The following EFR3A variants were observed in gnomAD, a reference collection of about 807,000 sequenced individuals.
EFR3A encodes the protein EFR3 homolog A, also known as protein EFR3 homolog A.
EFR3A carries 76 observed loss-of-function variants against 104.4 expected under a neutral mutation model. The observed-to-expected ratio is 0.73, with a 90% CI of 0.60 to 0.88. The LOEUF (loss-of-function observed/expected upper bound fraction) is 0.88, where lower values mean the gene tolerates loss of function less well. Ranked by LOEUF, EFR3A falls within the 40% of genes least tolerant of loss-of-function variation. EFR3A has a pLI of 0.00. For missense variants in EFR3A, 985 were observed against 1,012.5 expected (o/e 0.97, Z 0.37); for synonymous variants, 330 against 330.0 (o/e 1.00, Z 0.00).
At chr8:132,009,977 G>C (rs1822248240) in intron 22 of EFR3A, among the ~76,000 whole-genome samples, 1 of 151,936 alleles carries the variant, frequency 6.6e-6, no homozygotes, top group South Asian at 2.1e-4. Context: ...ATCTGAGTAG[G>C]ATTAGAGGCA....
chr8:131,929,572 A>T (rs1392883380), intron 1 of EFR3A, among the ~76,000 whole-genome samples: 1 of 152,120 alleles, frequency 6.6e-6, no homozygotes, highest in Non-Finnish European at 1.5e-5. Context: ...TTCTTTCTGT[A>T]TGTGATTATC....
intron 8 of EFR3A, among the ~76,000 whole-genome samples, chr8:131,964,848 G>C (rs1563670832): frequency 2.0e-5 from 3 of 152,208 alleles, no homozygotes; most frequent in South Asian, 4.1e-4. Context: ...AAACAGCATG[G>C]TACTGGTACC....
At chr8:131,936,589 G>T (rs762789892) in intron 1 of EFR3A, among the ~76,000 whole-genome samples, 16 of 151,940 alleles carry the variant, frequency 1.1e-4, no homozygotes, top group Non-Finnish European at 1.9e-4. Flanking sequence ...GCCCCAGGTT[G>T]TTTTACCTGT....
At chr8:131,993,796 G>T (rs1821334472) in intron 18 of EFR3A, among the ~76,000 whole-genome samples, 1 of 152,046 alleles carries the variant, frequency 6.6e-6, no homozygotes, top group South Asian at 2.1e-4. Flanking sequence ...GAGCAGTGCT[G>T]CAATGAACAT....
chr8:132,001,483 C>G (rs1821777872), intron 19 of EFR3A, among the ~76,000 whole-genome samples: 1 of 152,112 alleles, frequency 6.6e-6, no homozygotes, highest in Non-Finnish European at 1.5e-5. Context: ...TTCTGTAATT[C>G]AAGGGTGGTT....
intron 1 of EFR3A, among the ~76,000 whole-genome samples, chr8:131,936,017 C>T (rs992861231): frequency 6.6e-6 from 1 of 151,976 alleles, no homozygotes. Flanking sequence ...TGAGTGCCTG[C>T]GTGCCTAATC....
At chr8:131,912,784 C>T (rs1381621681) in intron 1 of EFR3A, among the ~76,000 whole-genome samples, 5 of 152,072 alleles carry the variant, frequency 3.3e-5, no homozygotes, top group African/African-American at 9.6e-5. Flanking sequence ...TAAAATGCTG[C>T]TTTGAACTGG....
In EFR3A at chr8:131,904,294, G is replaced by C; in HGVS notation, c.-19G>C. 1 of 1,267,542 alleles carries C rather than the reference G, an allele frequency of 7.9e-7. No homozygotes were observed. The highest frequency in any genetic ancestry group is 9.9e-7 in the Non-Finnish European group (1 of 1,005,778). The allele number at this position is 1,267,542 out of a possible 1,614,324, so 78.5% of individuals were successfully genotyped here. A position where few individuals can be genotyped will look rare whatever the true frequency, so the allele number is the denominator to read the frequency against. ...CCCCGCTGAGCCTCGGTGCGGCGGC[G>C]AGCGCGGTCGAGATCGCCATGCCTA... On this transcript the variant is annotated 5_prime_UTR_variant, in exon 1 of 23. Transcript: ENST00000254624.
At position 131,998,093 on chromosome 8, in the gene EFR3A, T is replaced by G. The variant is rs558852161; in HGVS notation, c.2157+1596T>G. On this transcript the variant is annotated intron_variant, in intron 19 of 22. Coordinates refer to ENST00000254624, the MANE Select transcript of EFR3A (RefSeq NM_015137.6). Reference sequence around the variant, plus strand: ...AAGTACAGTTTAGTGTCACATTTGCTTGAGCACATTTGAGTTTCAGATTCA... The same window carrying G: ...AAGTACAGTTTAGTGTCACATTTGCGTGAGCACATTTGAGTTTCAGATTCA... Among the ~76,000 whole-genome samples, 87 of 152,208 alleles carry G rather than the reference T, an allele frequency of 5.7e-4. 1 individual carries two copies. Among genetic ancestry groups the G allele is most frequent in the African/African-American group, 2.1e-3 (86 of 41,582 alleles).
At chr8:131,947,213 C>T (rs1818483251) in intron 4 of EFR3A, among the ~76,000 whole-genome samples, 1 of 151,846 alleles carries the variant, frequency 6.6e-6, no homozygotes, top group Non-Finnish European at 1.5e-5. Flanking sequence ...TTTAAGCATC[C>T]TAGAGCGTCT....
intron 1 of EFR3A, among the ~76,000 whole-genome samples, chr8:131,908,350 G>A (rs955161964): frequency 3.3e-5 from 5 of 152,128 alleles, no homozygotes; most frequent in Admixed American, 1.3e-4. Context: ...GTGAGCCACC[G>A]CTCCCGGCCA....
chr8:131,973,902 T>A (rs569390410), intron 10 of EFR3A, among the ~76,000 whole-genome samples: 1 of 151,714 alleles, frequency 6.6e-6, no homozygotes, highest in South Asian at 2.1e-4. Context: ...AATTTTAAGT[T>A]AAAAAAAAAT....
chr8:131,968,387 G>T lies in EFR3A; in HGVS notation c.948G>T (p.Gln316His), dbSNP rs764993491. The change falls in exon 9 of 23, where the codon CAG becomes CAT. Residue 316 changes from glutamine (Q) to histidine (H), a missense_variant. Transcript: ENST00000254624. The part of the protein sequence containing the change: ...DAPRVRAGII[Q>H]VLLEAVAIAA... ...CCCGGGTTCGAGCAGGTATTATTCA[G>T]GTTCTGTTAGAGGCTGTTGCCATTG... 3 of 1,613,620 alleles carry T rather than the reference G, an allele frequency of 1.9e-6. No individual in the cohort carries two copies. The highest frequency in any genetic ancestry group is 2.2e-5 in the East Asian group (1 of 44,858).
chr8:131,921,418 C>T (rs1433257931), intron 1 of EFR3A, among the ~76,000 whole-genome samples: 1 of 152,098 alleles, frequency 6.6e-6, no homozygotes, highest in Admixed American at 6.5e-5. Context: ...GCAAAGACCC[C>T]CCTCTCTCTA....
At chr8:131,963,912 T>C (rs1819545876) in intron 8 of EFR3A, among the ~76,000 whole-genome samples, 1 of 152,146 alleles carries the variant, frequency 6.6e-6, no homozygotes, top group African/African-American at 2.4e-5. Flanking sequence ...CAAGGCTGGT[T>C]CAACATACGC....
At chr8:131,923,560 A>C (rs1161308711) in intron 1 of EFR3A, among the ~76,000 whole-genome samples, 1 of 151,324 alleles carries the variant, frequency 6.6e-6, no homozygotes, top group African/African-American at 2.4e-5. Flanking sequence ...CTTCTTAGGA[A>C]GAATAAAATG....
intron 1 of EFR3A, among the ~76,000 whole-genome samples, chr8:131,914,468 A>G (rs1816657947): frequency 6.6e-6 from 1 of 152,108 alleles, no homozygotes; most frequent in Admixed American, 6.5e-5. Context: ...CTTGACCCAC[A>G]TTGATGAATA....
intron 5 of EFR3A, among the ~76,000 whole-genome samples, chr8:131,951,416 T>G (rs1818697498): frequency 6.6e-6 from 1 of 152,106 alleles, no homozygotes; most frequent in Non-Finnish European, 1.5e-5. Context: ...GAAAATTAAT[T>G]TTTCTCTCTC....
intron 8 of EFR3A, among the ~76,000 whole-genome samples, chr8:131,965,310 C>G (rs1367530926): frequency 6.6e-6 from 1 of 152,186 alleles, no homozygotes; most frequent in East Asian, 1.9e-4. Context: ...TTTTTGCAAT[C>G]TACTCATCTG....
Sources: allele counts gnomAD v4.1 joint callset (sites outside exome capture counted in the v4.1 genomes callset), GRCh38; gene constraint gnomAD v4.1.1; transcripts MANE v1.5; gene names NCBI Gene and HGNC (gene_info 2026-07-23, HGNC 2026-07-21).